The following EIF5B variants were observed in gnomAD, a reference collection of about 807,000 sequenced individuals.
EIF5B encodes the protein eIF-5B.
A neutral mutation model predicts 147.5 loss-of-function variants in EIF5B; 47 were observed. The observed-to-expected ratio is 0.32, with a 90% CI of 0.25 to 0.41. EIF5B has a LOEUF of 0.41. EIF5B is among the 10% of genes least tolerant of loss of function. EIF5B has a pLI of 1.00. For missense variants in EIF5B, 1,064 were observed against 1,413.2 expected, an observed-to-expected ratio of 0.75 and a Z score of 3.96; for synonymous variants, 455 against 456.2, an observed-to-expected ratio of 1.00 and a Z score of 0.03.
chr2:99,344,734 GC>G (rs2105335221), intron 1 of EIF5B, among the ~76,000 whole-genome samples: 1 of 152,238 alleles, frequency 6.6e-6, no homozygotes, highest in African/African-American at 2.4e-5. Flanking sequence ...ACTGCATCCA[GC>G]CGGCACCACA....
chr2:99,356,120 C>G (rs1674092375), intron 1 of EIF5B, among the ~76,000 whole-genome samples: 1 of 152,110 alleles, frequency 6.6e-6, no homozygotes. Flanking sequence ...TGTCCTGTAT[C>G]TGTTCCAGGG....
In EIF5B at chr2:99,368,501, G is replaced by A. The variant is rs769561788; in HGVS notation, c.1297G>A (p.Val433Met). ...TCATTTTTATCCCTCAGGTGTTGAA[G>A]TGCCATCAAAAGACTCTTTGCCAAA... Reference protein sequence around the residue: ...LKLLQAQGVEVPSKDSLPKKR... With the variant: ...LKLLQAQGVEMPSKDSLPKKR... Residue 433 changes from valine (V) to methionine (M), a missense_variant, in exon 7 of 24, where the codon GTG (valine) becomes ATG (methionine). By Grantham distance (21) the Val-to-Met change is conservative. Transcript: ENST00000289371. The A allele has an allele frequency of 6.2e-7, 1 of 1,613,400 alleles. No homozygotes were observed. The highest frequency in any genetic ancestry group is 1.1e-5 in the South Asian group (1 of 91,028).
intron 14 of EIF5B, among the ~76,000 whole-genome samples, chr2:99,387,548 A>G (rs533035627): frequency 6.6e-6 from 1 of 152,294 alleles, no homozygotes; most frequent in South Asian, 2.1e-4. Flanking sequence ...ACCCTGTCTC[A>G]TTATAGCTTC....
rs1674999241 is a variant in EIF5B, at chr2:99,394,300, A to G, written c.2914A>G (p.Asn972Asp). ...ELIHELKQTL[N>D]AIKLEEKGVY... ...GATCCATGAGTTAAAGCAGACACTAAATGCTATCAAATTAGAAGAAAAAGG... is the reference window on the plus strand; with the variant it reads ...GATCCATGAGTTAAAGCAGACACTAGATGCTATCAAATTAGAAGAAAAAGG... Residue 972 changes from asparagine to aspartate, a missense_variant, in exon 19 of 24, where the codon AAT becomes GAT. By Grantham distance (23) the Asn-to-Asp change is conservative. This residue lies in a region of EIF5B where 380 missense variants were observed against 715.6 expected (regional missense o/e 0.53). Coordinates refer to ENST00000289371, the MANE Select transcript of EIF5B (RefSeq NM_015904.4). 1 of 1,613,298 alleles carries G rather than the reference A, an allele frequency of 6.2e-7. No individual in the cohort carries two copies. The highest frequency in any genetic ancestry group is 8.5e-7 in the Non-Finnish European group (1 of 1,179,836).
intron 14 of EIF5B, among the ~76,000 whole-genome samples, chr2:99,388,499 G>A (rs966732831): frequency 1.1e-4 from 16 of 151,976 alleles, no homozygotes; most frequent in Non-Finnish European, 5.9e-5. Flanking sequence ...GTGGTTTAAA[G>A]TGCTTTATGT....
chr2:99,391,965 C>T (rs1458759215), intron 17 of EIF5B, among the ~76,000 whole-genome samples: 5 of 151,380 alleles, frequency 3.3e-5, no homozygotes, highest in Non-Finnish European at 7.4e-5. Context: ...TCAAGCAATC[C>T]ACCCACCTTG....
At chr2:99,394,063 A>G (rs1019415259) in intron 18 of EIF5B, among the ~76,000 whole-genome samples, 1 of 152,236 alleles carries the variant, frequency 6.6e-6, no homozygotes, top group African/African-American at 2.4e-5. Flanking sequence ...ACCTAAGACA[A>G]AGGTGAAGCG....
chr2:99,339,411 T>G (rs1228711228), intron 1 of EIF5B, among the ~76,000 whole-genome samples: 2 of 152,228 alleles, frequency 1.3e-5, no homozygotes, highest in African/African-American at 4.8e-5. Context: ...TCTTAAACAT[T>G]AGCAAATATT....
intron 21 of EIF5B, among the ~76,000 whole-genome samples, 192 bp from the exon 22 acceptor site, chr2:99,396,568 G>T (rs1452915369): frequency 2.0e-5 from 3 of 152,204 alleles, no homozygotes; most frequent in Admixed American, 6.5e-5. Context: ...GGGAGGAGGA[G>T]GTTAAGAACA....
At chr2:99,386,912 ATATTT>A (rs1411082634) in intron 14 of EIF5B, among the ~76,000 whole-genome samples, 1 of 151,708 alleles carries the variant, frequency 6.6e-6, no homozygotes, top group East Asian at 2.0e-4. Context: ...ACTAATTTTT[ATATTT>A]TATTTATTTT....
intron 22 of EIF5B, 72 bp from the exon 23 acceptor site, chr2:99,398,676 G>C (rs934751140): frequency 6.8e-6 from 10 of 1,467,024 alleles, no homozygotes; most frequent in Non-Finnish European, 9.2e-6. Context: ...TCTTACTTCA[G>C]CTATCCAGCC....
At chr2:99,386,723 C>T (rs764600359) in intron 14 of EIF5B, among the ~76,000 whole-genome samples, 1 of 136,094 alleles carries the variant, frequency 7.3e-6, no homozygotes, top group Non-Finnish European at 1.6e-5. Context: ...GGCGGGGGGG[C>T]GGTGTGTGTG....
chr2:99,367,820 T>G (rs904200611), intron 6 of EIF5B, among the ~76,000 whole-genome samples: 2 of 152,108 alleles, frequency 1.3e-5, no homozygotes, highest in Non-Finnish European at 2.9e-5. Flanking sequence ...CAACTGGCAG[T>G]GTCTTTATAA....
In EIF5B at chr2:99,371,748, A is replaced by G. The variant is rs1208756596; in HGVS notation, c.1552+18A>G. The stretch of plus-strand genomic sequence containing the variant: ...AGAAAAAGGTGAATACCTCATAAGC[A>G]CACACTGATACATCCAGTGGTTATT... On this transcript the variant is annotated intron_variant, in intron 9 of 23. Coordinates refer to ENST00000289371, the MANE Select transcript of EIF5B (RefSeq NM_015904.4). 4 of 1,596,388 alleles carry G rather than the reference A, an allele frequency of 2.5e-6. No homozygotes were observed. The highest frequency in any genetic ancestry group is 1.3e-5 in the African/African-American group (1 of 74,412).
chr2:99,359,879 G>A (rs74650768), intron 1 of EIF5B, among the ~76,000 whole-genome samples: 1,603 of 152,250 alleles, frequency 0.011, 25 homozygotes, highest in African/African-American at 0.034. Flanking sequence ...ATTGATCGTC[G>A]AGAAATAAGA....
chr2:99,390,407 G>A lies in EIF5B; in HGVS notation c.2586+6G>A. The A allele has an allele frequency of 6.3e-7, 1 of 1,592,502 alleles. No individual in the cohort carries two copies. ...TGAGAGCACAGGTGATGGAGGTAAT[G>A]ATCAACTTTTCAGTTTATTGTTTTT... On this transcript the variant is annotated splice_donor_region_variant and intron_variant, in intron 16 of 23. Coordinates refer to ENST00000289371, the MANE Select transcript of EIF5B (RefSeq NM_015904.4).
At chr2:99,388,065 G>A (rs1019636965) in intron 14 of EIF5B, among the ~76,000 whole-genome samples, 2 of 152,156 alleles carry the variant, frequency 1.3e-5, no homozygotes, top group Middle Eastern at 3.4e-3. Flanking sequence ...GTATTTCATG[G>A]TTTAATGCTA....
chr2:99,364,557 G>A (rs534771923), intron 6 of EIF5B, 136 bp downstream of exon 6: 110 of 766,458 alleles, frequency 1.4e-4, no homozygotes, highest in Non-Finnish European at 1.9e-4. Context: ...TCAGTAAAAC[G>A]TAAGGAATAG....
intron 10 of EIF5B, 35 bp from the exon 11 acceptor site, chr2:99,378,984 T>G (rs753259623): frequency 1.4e-6 from 2 of 1,430,622 alleles, no homozygotes; most frequent in African/African-American, 1.5e-5. Flanking sequence ...TGAAATAATA[T>G]TTAATTTTTG....
Sources: gnomAD v4.1 joint callset for allele counts (sites outside exome capture counted in the v4.1 genomes callset) on GRCh38, gnomAD v4.1.1 for gene constraint, gnomAD v4.1.1 regional missense constraint, MANE v1.5 for transcripts, NCBI Gene and HGNC (gene_info 2026-07-23, HGNC 2026-07-21) for gene names.